The following CATSPER2 variants were observed in gnomAD, a reference collection of about 807,000 sequenced individuals.
CATSPER2 encodes the protein cation channel sperm associated 2.
In CATSPER2, 56 loss-of-function variants were observed where a neutral mutation model predicts 68.8. The ratio of observed to expected loss-of-function variants is 0.81; its 90% CI spans 0.66 to 1.02. The LOEUF is 1.02. Among genes scored for constraint, CATSPER2 ranks in the 50% least tolerant of loss-of-function variants. CATSPER2 has a pLI of 0.00. For synonymous variants in CATSPER2, 198 were observed against 229.9 expected (o/e 0.86, Z 1.26); for missense variants, 582 against 642.0 (o/e 0.91, Z 1.01).
chr15:43,636,681 G>A (rs113378083), intron 7 of CATSPER2, among the ~76,000 whole-genome samples: 2,207 of 150,336 alleles, frequency 0.015, 46 homozygotes, highest in Middle Eastern at 0.029. Context: ...GTGAGCCACC[G>A]CACCCAGCCT....
At position 43,636,187 on chromosome 15, in the gene CATSPER2, A is replaced by G; in HGVS notation, c.875T>C (p.Ile292Thr). Reference sequence around the variant, plus strand: ...ATACCAATGATCCAAGGTGAAGAGAATGAACACTGTTACCAGGGAATTCGG... The same window carrying G: ...ATACCAATGATCCAAGGTGAAGAGAGTGAACACTGTTACCAGGGAATTCGG... ...DLPNSLVTVF[I>T]LFTLDHWYAL... Residue 292 changes from isoleucine to threonine, a missense_variant, in exon 8 of 13, where the codon ATT (isoleucine) becomes ACT (threonine). Coordinates refer to ENST00000396879, the MANE Select transcript of CATSPER2 (RefSeq NM_172095.4). 6.2e-7 allele frequency: 1 copy of G among 1,613,202 alleles called. No individual in the cohort carries two copies. Among genetic ancestry groups the G allele is most frequent in the African/African-American group, 1.3e-5 (1 of 74,866 alleles).
At position 43,642,844 on chromosome 15, in the gene CATSPER2, T is replaced by C. The variant is rs1318114461; in HGVS notation, c.389-2348A>G. 15 of 149,460 alleles carry C rather than the reference T, an allele frequency of 1.0e-4. 1 individual carries two copies. The South Asian group carries it at 3.3e-3, about 32-fold the overall frequency. 9.3% of individuals were successfully genotyped at this position (149,460 alleles called of 1,614,324 possible). ...AATGTGCAGAAGTGACTGCCTCCAC[T>C]CTACATCAAGTAATGTGTCCTCTCT... On this transcript the variant is annotated intron_variant, in intron 4 of 12. Transcript: ENST00000396879.
In CATSPER2 at chr15:43,643,739, C is replaced by G. The variant is rs148480471; in HGVS notation, c.389-3243G>C. On this transcript the variant is annotated intron_variant, in intron 4 of 12. Transcript: ENST00000396879. The stretch of plus-strand genomic sequence containing the variant: ...TAAATTCCATTCATTTGACCAAAAA[C>G]TTTATATAGCACATCAAACCCTCTC... Among the ~76,000 whole-genome samples, 233 of 152,112 alleles carry G rather than the reference C, an allele frequency of 1.5e-3. 1 individual carries two copies. The highest frequency in any genetic ancestry group is 5.2e-3 in the African/African-American group (214 of 41,480).
intron 4 of CATSPER2, among the ~76,000 whole-genome samples, chr15:43,646,645 A>T (rs556992497): frequency 6.6e-6 from 1 of 151,784 alleles, no homozygotes; most frequent in Non-Finnish European, 1.5e-5. Flanking sequence ...CACATTTCAA[A>T]TGACATTCAA....
Position 43,648,046 on chromosome 15 carries a change from G to T in CATSPER2, c.16C>A (p.Gln6Lys), listed in dbSNP as rs142044666. The change falls in exon 2 of 13, where the codon CAA becomes AAA. Residue 6 changes from glutamine (Q) to lysine (K), a missense_variant. Physicochemically the swap from Gln to Lys is moderately conservative, Grantham distance 53 (BLOSUM62 1). This residue lies in a region of CATSPER2 where 197 missense variants were observed against 191.0 expected (regional missense o/e 1.03). Coordinates refer to ENST00000396879, the MANE Select transcript of CATSPER2 (RefSeq NM_172095.4). Reference sequence around the variant, plus strand: ...CGGGGAAGCTGCATCTGCTCTTCTTGTTGGTAAGCGGCCATGTCTGCTAAG... The same window carrying T: ...CGGGGAAGCTGCATCTGCTCTTCTTTTTGGTAAGCGGCCATGTCTGCTAAG... MAAYQ[Q>K]EEQMQLPRAD... 64 of 1,613,548 alleles carry T rather than the reference G, an allele frequency of 4.0e-5. No individual in the cohort carries two copies. Among genetic ancestry groups the T allele is most frequent in the Middle Eastern group, 1.6e-4 (1 of 6,084 alleles).
At chr15:43,638,206 G>A (rs1269082332) in intron 7 of CATSPER2, among the ~76,000 whole-genome samples, 1 of 150,636 alleles carries the variant, frequency 6.6e-6, no homozygotes, top group African/African-American at 2.4e-5. Flanking sequence ...CACCTGTCTT[G>A]GCTTCTGAAA....
In CATSPER2 at chr15:43,635,104, C is replaced by A. The variant is rs542646780; in HGVS notation, c.1178+256G>T. On this transcript the variant is annotated intron_variant, in intron 10 of 12. Coordinates refer to ENST00000396879, the MANE Select transcript of CATSPER2 (RefSeq NM_172095.4). ...AGGACCCTTGCCATTGGATTTAGGA[C>A]CTACCTGGATAATCTAGGATGATCT... The A allele has an allele frequency of 1.8e-5, 10 of 543,444 alleles. No individual in the cohort carries two copies. In the South Asian group the frequency reaches 1.9e-4, roughly 10 times the overall value. 33.7% of individuals were successfully genotyped at this position (543,444 alleles called of 1,614,324 possible).
chr15:43,630,807 C>A, intron 12 of CATSPER2, 75 bp from the exon 13 acceptor site: 1 of 1,610,712 alleles, frequency 6.2e-7, no homozygotes, highest in East Asian at 2.2e-5. Flanking sequence ...GAAGACCTTG[C>A]TTTTCTGGGT....
In CATSPER2 at chr15:43,635,740, G is replaced by C. The variant is rs1433137578; in HGVS notation, c.1108C>G (p.Gln370Glu). The C allele has an allele frequency of 1.2e-5, 19 of 1,612,924 alleles. No homozygotes were observed. Among genetic ancestry groups the C allele is most frequent in the Non-Finnish European group, 1.6e-5 (19 of 1,179,412 alleles). Residue 370 changes from glutamine to glutamate, a missense_variant, in exon 9 of 13, where the codon CAG becomes GAG. Transcript: ENST00000396879. The part of the protein sequence containing the change: ...VQLKADMFKR[Q>E]IIQRRKNMSH... ...GGAGAAGCAGACCTCTGGATGATCT[G>C]CCGCTTGAACATGTCAGCTTTGAGC...
intron 4 of CATSPER2, among the ~76,000 whole-genome samples, chr15:43,646,616 T>C (rs2086169004): frequency 6.6e-6 from 1 of 151,806 alleles, no homozygotes; most frequent in Non-Finnish European, 1.5e-5. Flanking sequence ...CTTAATATAA[T>C]TGTCCTTAAT....
intron 6 of CATSPER2, 143 bp downstream of exon 6, chr15:43,639,500 C>T (rs1595978356): frequency 8.3e-6 from 11 of 1,325,660 alleles, no homozygotes; most frequent in Non-Finnish European, 1.0e-5. Flanking sequence ...CTCCTGACCT[C>T]ATGACCCATC....
intron 6 of CATSPER2, 47 bp from the exon 7 acceptor site, chr15:43,639,075 T>C (rs1567129540): frequency 1.9e-6 from 3 of 1,606,160 alleles, no homozygotes; most frequent in East Asian, 2.2e-5. Context: ...ACTAGGCTGA[T>C]CTCCACCAAC....
chr15:43,636,060 A>G lies in CATSPER2; in HGVS notation c.1002T>C (p.Ser334=). ...WLLLGSIIFR[S]IIVAMMVTNF... ...GCTTACCCATCATGGCTACTATGAT[A>G]CTTCGAAAGATAATGGAGCCAAGCA... The change falls in exon 8 of 13, where the codon AGT becomes AGC. Residue 334 remains serine, a synonymous_variant. Transcript: ENST00000396879. The G allele has an allele frequency of 6.3e-7, 1 of 1,577,088 alleles. No individual in the cohort carries two copies. Among genetic ancestry groups the G allele is most frequent in the African/African-American group, 1.4e-5 (1 of 73,778 alleles).
chr15:43,643,204 G>A (rs1156663562), intron 4 of CATSPER2, among the ~76,000 whole-genome samples: 2 of 151,932 alleles, frequency 1.3e-5, no homozygotes, highest in East Asian at 1.9e-4. Flanking sequence ...GTTTCAAGGA[G>A]TCCAATATTA....
chr15:43,648,760 C>G lies in CATSPER2; in HGVS notation c.-134G>C. On this transcript the variant is annotated 5_prime_UTR_variant, in exon 1 of 13. Transcript: ENST00000396879. The stretch of plus-strand genomic sequence containing the variant: ...CTCCCAGCCTCACTGCGCCCCATTC[C>G]CCGCCCCGCTCGACCCCCAGGTTTC... 2.0e-6 allele frequency: 3 copies of G among 1,528,038 alleles called. No individual in the cohort carries two copies. The highest frequency in any genetic ancestry group is 2.6e-6 in the Non-Finnish European group (3 of 1,141,444). 94.7% of individuals were successfully genotyped at this position (1,528,038 alleles called of 1,614,324 possible).
At chr15:43,644,476 G>C (rs2086126360) in intron 4 of CATSPER2, among the ~76,000 whole-genome samples, 1 of 151,844 alleles carries the variant, frequency 6.6e-6, no homozygotes, top group Non-Finnish European at 1.5e-5. Context: ...ATTTTGATTT[G>C]TCTATTAGAT....
intron 11 of CATSPER2, 131 bp from the exon 12 acceptor site, chr15:43,632,494 A>C: frequency 1.4e-6 from 2 of 1,407,484 alleles, no homozygotes; most frequent in Non-Finnish European, 2.0e-6. Flanking sequence ...GAAAGGGTGC[A>C]TCAGTAAGAA....
intron 4 of CATSPER2, among the ~76,000 whole-genome samples, chr15:43,642,194 G>A (rs959177286): frequency 1.3e-5 from 2 of 151,524 alleles, no homozygotes; most frequent in African/African-American, 4.8e-5. Flanking sequence ...CCGCCTCCTG[G>A]GTTCAAGCGA....
chr15:43,636,824 ATTTTTTTTTC>A (rs914002933), intron 7 of CATSPER2, among the ~76,000 whole-genome samples: 27 of 146,642 alleles, frequency 1.8e-4, no homozygotes, highest in Admixed American at 2.7e-4. Flanking sequence ...TAGTTTTTCT[ATTTTTTTTTC>A]TTTTTTTTTT....
Sources: gnomAD v4.1 joint callset for allele counts (sites outside exome capture counted in the v4.1 genomes callset) on GRCh38, gnomAD v4.1.1 for gene constraint, gnomAD v4.1.1 regional missense constraint, MANE v1.5 for transcripts, NCBI Gene and HGNC (gene_info 2026-07-23, HGNC 2026-07-21) for gene names.